LRRC37A3: variants seen among roughly 807,000 people sequenced by gnomAD.
LRRC37A3 encodes the protein leucine-rich repeat-containing protein 37A3.
A neutral mutation model predicts 106.2 loss-of-function variants in LRRC37A3; 25 were observed. The observed-to-expected ratio is 0.24, with a 90% CI of 0.17 to 0.33. The LOEUF is 0.33. Ranked by LOEUF, LRRC37A3 falls within the 10% of genes least tolerant of loss-of-function variation. LRRC37A3 has a pLI of 1.00. For synonymous variants in LRRC37A3, 305 were observed against 635.8 expected, an observed-to-expected ratio of 0.48 and a Z score of 7.83; for missense variants, 712 against 1,644.9, an observed-to-expected ratio of 0.43 and a Z score of 9.81.
At chr17:64,899,410 A>G (rs1376909749) in intron 2 of LRRC37A3, among the ~76,000 whole-genome samples, 1 of 135,788 alleles carries the variant, frequency 7.4e-6, no homozygotes, top group Non-Finnish European at 1.5e-5. Context: ...ACAGAGTGAG[A>G]CTCCATCTCA....
chr17:64,882,768 T>A (rs1973746848), intron 8 of LRRC37A3, among the ~76,000 whole-genome samples: 1 of 152,078 alleles, frequency 6.6e-6, no homozygotes, highest in East Asian at 1.9e-4. Context: ...TCAATAGGGA[T>A]AAAGCCTGGA....
At chr17:64,882,705 T>C (rs1303973615) in intron 8 of LRRC37A3, among the ~76,000 whole-genome samples, 1 of 151,398 alleles carries the variant, frequency 6.6e-6, no homozygotes, top group African/African-American at 2.4e-5. Flanking sequence ...CAATTTGCCA[T>C]CACAGTGTGG....
intron 14 of LRRC37A3, among the ~76,000 whole-genome samples, chr17:64,855,207 A>C (rs1157730884): frequency 4.6e-5 from 7 of 151,996 alleles, no homozygotes; most frequent in Non-Finnish European, 1.0e-4. Context: ...GTGTTTCCTC[A>C]GTTCTAGGAT....
intron 2 of LRRC37A3, among the ~76,000 whole-genome samples, chr17:64,916,451 A>C (rs1317234747): frequency 1.3e-5 from 2 of 151,870 alleles, no homozygotes; most frequent in Admixed American, 1.3e-4. Flanking sequence ...AACAATAAAG[A>C]AAGCAACCCA....
chr17:64,881,362 C>T (rs983402983), intron 8 of LRRC37A3, among the ~76,000 whole-genome samples: 2 of 147,484 alleles, frequency 1.4e-5, no homozygotes, highest in Non-Finnish European at 1.5e-5. Context: ...ATTCTCCTGC[C>T]TCAGCCTTCA....
chr17:64,917,636 T>C (rs1488448523), intron 2 of LRRC37A3, among the ~76,000 whole-genome samples: 1 of 152,000 alleles, frequency 6.6e-6, no homozygotes, highest in Non-Finnish European at 1.5e-5. Flanking sequence ...CATTATGCAC[T>C]GTACACGTAT....
chr17:64,876,339 C>G (rs1164664608), intron 8 of LRRC37A3, among the ~76,000 whole-genome samples: 9 of 152,094 alleles, frequency 5.9e-5, no homozygotes, highest in Non-Finnish European at 5.9e-5. Context: ...TGTGCCACCA[C>G]GTTCAGCTAA....
Position 64,860,190 on chromosome 17 carries a change from G to C in LRRC37A3, c.3956C>G (p.Pro1319Arg). Reference sequence around the variant, plus strand: ...GACCTTTGGACTCTTTTTGACCTTGGGTGTTCTGTGGGTCATGCGGGAGCG... The same window carrying C: ...GACCTTTGGACTCTTTTTGACCTTGCGTGTTCTGTGGGTCATGCGGGAGCG... ...KTRSRMTHRT[P>R]KVKKSPKVRK... is the part of the protein sequence containing the mutation. Residue 1319 changes from proline to arginine, a missense_variant, in exon 12 of 15, where the codon CCC becomes CGC. Coordinates refer to ENST00000584306, the MANE Select transcript of LRRC37A3 (RefSeq NM_199340.5). 6.2e-7 allele frequency: 1 copy of C among 1,613,854 alleles called. No individual in the cohort carries two copies. Among genetic ancestry groups the C allele is most frequent in the Non-Finnish European group, 8.5e-7 (1 of 1,179,842 alleles).
chr17:64,861,521 A>T (rs1484648229), intron 11 of LRRC37A3, among the ~76,000 whole-genome samples: 1 of 152,002 alleles, frequency 6.6e-6, no homozygotes, highest in East Asian at 1.9e-4. Flanking sequence ...CATGCGCTCC[A>T]CCCACCCCAT....
At chr17:64,858,976 G>A (rs1972773403) in intron 12 of LRRC37A3, 93 bp from the exon 13 acceptor site, 1 of 885,340 alleles carries the variant, frequency 1.1e-6, no homozygotes, top group Non-Finnish European at 1.8e-6. Context: ...TTTTTTGAAA[G>A]AGGGTCTCAC....
intron 12 of LRRC37A3, 139 bp from the exon 13 acceptor site, chr17:64,859,022 C>A (rs573265088): frequency 4.4e-6 from 3 of 686,540 alleles, no homozygotes; most frequent in Non-Finnish European, 7.6e-6. Flanking sequence ...GGTGCAATCA[C>A]CATTCACTAG....
intron 1 of LRRC37A3, among the ~76,000 whole-genome samples, chr17:64,919,169 G>GGGC (rs970251921): frequency 9.9e-4 from 150 of 151,546 alleles, no homozygotes; most frequent in South Asian, 3.9e-3. Context: ...GTCCGGACGT[G>GGGC]GGCGGCGGCG....
intron 12 of LRRC37A3, 89 bp downstream of exon 12, chr17:64,859,353 G>A: frequency 1.5e-6 from 2 of 1,375,176 alleles, no homozygotes; most frequent in Non-Finnish European, 2.0e-6. Context: ...GCTATGGCCT[G>A]GGAGTCCCAG....
rs564387475 is a variant in LRRC37A3, at chr17:64,854,193, G to A, written c.*406C>T. On this transcript the variant is annotated 3_prime_UTR_variant, in exon 15 of 15. Transcript: ENST00000584306. Reference sequence around the variant, plus strand: ...AGGGTGAAAAGCCCCCTACCAAGTCGGGATGAACATTCATGCGTGTGCTTG... The same window carrying A: ...AGGGTGAAAAGCCCCCTACCAAGTCAGGATGAACATTCATGCGTGTGCTTG... The A allele has an allele frequency of 6.8e-5, 18 of 264,210 alleles. No individual in the cohort carries two copies. The highest frequency in any genetic ancestry group is 2.5e-4 in the Admixed American group (5 of 20,268). 16.4% of individuals were successfully genotyped at this position (264,210 alleles called of 1,614,324 possible).
intron 8 of LRRC37A3, chr17:64,871,615 C>T (rs1973315555): frequency 6.6e-6 from 1 of 152,144 alleles, no homozygotes; most frequent in East Asian, 1.9e-4. Context: ...CTGGTACACC[C>T]CTTTTTAGGC....
chr17:64,910,831 G>A (rs1466921535), intron 2 of LRRC37A3, among the ~76,000 whole-genome samples: 7 of 148,380 alleles, frequency 4.7e-5, no homozygotes, highest in Non-Finnish European at 3.0e-5. Flanking sequence ...TAGTAGAGAC[G>A]GGGTCTCACC....
chr17:64,916,272 G>A (rs1974698500), intron 2 of LRRC37A3, among the ~76,000 whole-genome samples: 1 of 152,034 alleles, frequency 6.6e-6, no homozygotes, highest in Admixed American at 6.5e-5. Context: ...GGGCGTGGTG[G>A]CGGGTGCCTG....
intron 10 of LRRC37A3, among the ~76,000 whole-genome samples, chr17:64,866,617 T>C (rs1342938733): frequency 8.1e-5 from 2 of 24,790 alleles, no homozygotes; most frequent in Non-Finnish European, 1.4e-4. Context: ...TATATATATA[T>C]ATATATATAT....
At chr17:64,861,298 G>A (rs1156386477) in intron 11 of LRRC37A3, among the ~76,000 whole-genome samples, 1 of 152,184 alleles carries the variant, frequency 6.6e-6, no homozygotes, top group East Asian at 1.9e-4. Context: ...GTGCTTCCCT[G>A]ATGAGCTGGC....
Sources: allele counts gnomAD v4.1 joint callset (sites outside exome capture counted in the v4.1 genomes callset), GRCh38; gene constraint gnomAD v4.1.1; transcripts MANE v1.5; gene names NCBI Gene and HGNC (gene_info 2026-07-23, HGNC 2026-07-21).